The following CNBD2 variants were observed in gnomAD, a reference collection of about 807,000 sequenced individuals.
CNBD2 encodes cyclic nucleotide binding domain containing 2.
CNBD2 carries 64 observed loss-of-function variants against 63.7 expected under a neutral mutation model. The ratio of observed to expected loss-of-function variants is 1.00; its 90% CI spans 0.82 to 1.24. CNBD2 has a LOEUF of 1.24. Ranked by LOEUF, CNBD2 falls within the 50% of genes most tolerant of loss-of-function variation. CNBD2 has a pLI of 0.00. For missense variants in CNBD2, 691 were observed against 713.5 expected (o/e 0.97, Z 0.36); for synonymous variants, 229 against 255.4 (o/e 0.90, Z 0.99).
At chr20:35,981,888 A>G (rs997895926) in intron 4 of CNBD2, among the ~76,000 whole-genome samples, 3 of 152,182 alleles carry the variant, frequency 2.0e-5, no homozygotes, top group Admixed American at 6.5e-5. Context: ...GGAGTTTGCC[A>G]CAGAATCACA....
chr20:36,024,953 T>TAAA (rs2057265850), intron 11 of CNBD2, among the ~76,000 whole-genome samples: 1 of 151,798 alleles, frequency 6.6e-6, no homozygotes, highest in African/African-American at 2.4e-5. Context: ...ATAATAATAA[T>TAAA]AAAAAATAAA....
At chr20:35,978,563 C>T (rs1227309470) in intron 3 of CNBD2, among the ~76,000 whole-genome samples, 2 of 152,188 alleles carry the variant, frequency 1.3e-5, no homozygotes, top group South Asian at 2.1e-4. Context: ...CCAGGGTAGT[C>T]TTGATCTCCT....
chr20:35,993,895 A>G (rs1218083226), intron 7 of CNBD2, among the ~76,000 whole-genome samples: 7 of 118,240 alleles, frequency 5.9e-5, no homozygotes, highest in South Asian at 2.7e-4. Context: ...TTTTTTGGAG[A>G]CAGAATTTCA....
chr20:35,979,706 C>G (rs1424352976), intron 3 of CNBD2, among the ~76,000 whole-genome samples: 2 of 152,222 alleles, frequency 1.3e-5, no homozygotes, highest in African/African-American at 2.4e-5. Flanking sequence ...GTGGCAGCAT[C>G]TGAGCTGAGA....
At chr20:36,027,271 G>A (rs1320954634) in intron 11 of CNBD2, among the ~76,000 whole-genome samples, 1 of 152,166 alleles carries the variant, frequency 6.6e-6, no homozygotes, top group Non-Finnish European at 1.5e-5. Context: ...TGATTCCAAT[G>A]GTAGAGAAAG....
At chr20:36,001,702 T>C (rs1305455550) in intron 8 of CNBD2, among the ~76,000 whole-genome samples, 1 of 144,670 alleles carries the variant, frequency 6.9e-6, no homozygotes, top group Non-Finnish European at 1.5e-5. Context: ...GCAGAGACGC[T>C]CCTCACCTCC....
At chr20:35,961,933 C>T (rs891890000) in intron 2 of CNBD2, among the ~76,000 whole-genome samples, 1 of 152,174 alleles carries the variant, frequency 6.6e-6, no homozygotes, top group Non-Finnish European at 1.5e-5. Context: ...ACCAGAGAGG[C>T]TCCCAGAGCC....
At chr20:36,003,866 C>G (rs1216922531) in intron 8 of CNBD2, among the ~76,000 whole-genome samples, 1 of 147,026 alleles carries the variant, frequency 6.8e-6, no homozygotes, top group Non-Finnish European at 1.5e-5. Context: ...CATAGCTGGA[C>G]TCCATCTGAA....
At chr20:36,030,312 G>T (rs1237383916) in intron 11 of CNBD2, 45 bp from the exon 12 acceptor site, 9 of 1,596,124 alleles carry the variant, frequency 5.6e-6, no homozygotes, top group Non-Finnish European at 7.7e-6. Context: ...AGGCTGGAGG[G>T]GCGGGACTGG....
At position 35,980,641 on chromosome 20, in the gene CNBD2, C is replaced by G; in HGVS notation, c.407+19C>G. On this transcript the variant is annotated intron_variant, in intron 4 of 11. Coordinates refer to ENST00000373973, the MANE Select transcript of CNBD2 (RefSeq NM_001365709.1). ...TTGAACGGTCAGTGAGGGGCACAGC[C>G]CTTGGCCACCAGGCTGAGGCTGGAC... 6.2e-7 allele frequency: 1 copy of G among 1,611,376 alleles called. No individual in the cohort carries two copies. The highest frequency in any genetic ancestry group is 8.5e-7 in the Non-Finnish European group (1 of 1,179,380).
chr20:35,968,571 T>C (rs563754177), upstream of CNBD2: 6 of 516,812 alleles, frequency 1.2e-5, no homozygotes, highest in Middle Eastern at 5.3e-4. Flanking sequence ...CTTAGGAGAT[T>C]CTGAGAATGA....
At chr20:35,980,676 G>C in intron 4 of CNBD2, 54 bp downstream of exon 4, 1 of 1,561,894 alleles carries the variant, frequency 6.4e-7, no homozygotes, top group Non-Finnish European at 8.7e-7. Flanking sequence ...CTGAGCAAAA[G>C]AGCCTGGCTG....
chr20:36,017,841 C>G (rs976413615), intron 10 of CNBD2, among the ~76,000 whole-genome samples: 3 of 152,198 alleles, frequency 2.0e-5, no homozygotes, highest in African/African-American at 7.2e-5. Flanking sequence ...TGCCCCACCT[C>G]TGCGCCCACA....
chr20:35,983,908 C>A (rs2056629560), intron 4 of CNBD2, 74 bp from the exon 5 acceptor site: 3 of 1,555,412 alleles, frequency 1.9e-6, no homozygotes, highest in Non-Finnish European at 8.9e-7. Flanking sequence ...AGAGCACAAC[C>A]AGTCCAGAGC....
chr20:35,994,428 G>A (rs1385437573), intron 7 of CNBD2, among the ~76,000 whole-genome samples: 1 of 151,118 alleles, frequency 6.6e-6, no homozygotes, highest in Non-Finnish European at 1.5e-5. Context: ...GGCTGGTCTT[G>A]AACTCCTGGG....
intron 6 of CNBD2, among the ~76,000 whole-genome samples, chr20:35,986,024 T>C (rs2056663027): frequency 6.6e-6 from 1 of 152,116 alleles, no homozygotes; most frequent in Non-Finnish European, 1.5e-5. Flanking sequence ...CGTAACTGGG[T>C]ATCATATTTA....
intron 11 of CNBD2, among the ~76,000 whole-genome samples, chr20:36,028,979 G>T (rs2057313090): frequency 6.6e-6 from 1 of 152,132 alleles, no homozygotes; most frequent in Admixed American, 6.5e-5. Context: ...CCAGCCATGG[G>T]TTGATTTTTT....
chr20:36,015,434 A>G (rs577613464), intron 10 of CNBD2, among the ~76,000 whole-genome samples: 106 of 152,222 alleles, frequency 7.0e-4, no homozygotes, highest in African/African-American at 2.4e-3. Context: ...CCCAAAAAAA[A>G]CCATTGCCCA....
intron 10 of CNBD2, among the ~76,000 whole-genome samples, chr20:36,022,547 C>G (rs2057229676): frequency 6.6e-6 from 1 of 151,850 alleles, no homozygotes; most frequent in African/African-American, 2.4e-5. Context: ...GTTGGCCAGG[C>G]TAGTCTCAAA....
Sources: allele counts gnomAD v4.1 joint callset (sites outside exome capture counted in the v4.1 genomes callset), GRCh38; gene constraint gnomAD v4.1.1; transcripts MANE v1.5; gene names NCBI Gene and HGNC (gene_info 2026-07-23, HGNC 2026-07-21).